Variants in CARF observed in about 807,000 individuals in gnomAD.
The protein encoded by CARF is calcium responsive transcription factor, also known as calcium-responsive transcription factor.
In CARF, 57 loss-of-function variants were observed where a neutral mutation model predicts 82.0. The observed-to-expected ratio is 0.70, with a 90% CI of 0.56 to 0.87. The LOEUF (loss-of-function observed/expected upper bound fraction) is 0.87. Among genes scored for constraint, CARF ranks in the 40% least tolerant of loss-of-function variants. The pLI, the probability that CARF is intolerant of heterozygous loss-of-function variation, is 0.00. For synonymous variants in CARF, 268 were observed against 290.1 expected (o/e 0.92, Z 0.77); for missense variants, 771 against 855.8 (o/e 0.90, Z 1.24).
chr2:202,955,569 T>G (rs1277800657), intron 7 of CARF, 105 bp from the exon 8 acceptor site: 14 of 676,676 alleles, frequency 2.1e-5, no homozygotes, highest in Non-Finnish European at 3.1e-5. Flanking sequence ...AATTTGTTAT[T>G]GATGACTTCA....
At chr2:202,973,859 G>A (rs149110884) in intron 12 of CARF, among the ~76,000 whole-genome samples, 4,386 of 152,044 alleles carry the variant, frequency 0.029, 212 homozygotes, top group African/African-American at 0.099. Context: ...AGGCCGAGGC[G>A]GGCGGATCGC....
rs2060423537 is a variant in CARF, at chr2:202,986,248, A to G, written c.*2624A>G. 6.6e-6 allele frequency: 1 copy of G among 152,156 alleles called. No individual in the cohort carries two copies. Among genetic ancestry groups the G allele is most frequent in the Non-Finnish European group, 1.5e-5 (1 of 67,980 alleles). The allele number at this position is 152,156 out of a possible 1,614,324, so 9.4% of individuals were successfully genotyped here. A position where few individuals can be genotyped will look rare whatever the true frequency, so the allele number is the denominator to read the frequency against. On this transcript the variant is annotated 3_prime_UTR_variant, in exon 17 of 17. Coordinates refer to ENST00000438828, the MANE Select transcript of CARF (RefSeq NM_024744.17). ...CACAATGTATCAGTATTGTGTTTAA[A>G]GGTGCTCAGCATCACTTTTTGAAAA...
rs2060360720 is a variant in CARF at position 202,983,919 on chromosome 2, T to C, written c.*295T>C. The C allele has an allele frequency of 4.3e-6, 1 of 231,078 alleles. No individual in the cohort carries two copies. Among genetic ancestry groups the C allele is most frequent in the African/African-American group, 2.3e-5 (1 of 43,824 alleles). 14.3% of individuals were successfully genotyped at this position (231,078 alleles called of 1,614,324 possible). A position where few individuals can be genotyped will look rare whatever the true frequency, so the allele number is the denominator to read the frequency against. On this transcript the variant is annotated 3_prime_UTR_variant, in exon 17 of 17. Transcript: ENST00000438828. ...TAATATAGTCTGAACACAAATAGTT[T>C]ACTTAACTTATCCTTGGAAATATTC...
rs1409041784 is a variant in CARF, at chr2:202,984,204, A to G, written c.*580A>G. 6.6e-6 allele frequency: 1 copy of G among 152,244 alleles called. No homozygotes were observed. The highest frequency in any genetic ancestry group is 1.5e-5 in the Non-Finnish European group (1 of 68,054). The allele number at this position is 152,244 out of a possible 1,614,324, so 9.4% of individuals were successfully genotyped here. A position where few individuals can be genotyped will look rare whatever the true frequency, so the allele number is the denominator to read the frequency against. On this transcript the variant is annotated 3_prime_UTR_variant, in exon 17 of 17. Transcript: ENST00000438828. ...GCAGCTACATCTGTGGAAACTGTGC[A>G]GTTGCATTTTAGCCTCTTCCCTTCC... is the stretch of plus-strand genomic sequence containing the variant.
intron 13 of CARF, 78 bp from the exon 14 acceptor site, chr2:202,977,186 AAATAT>A: frequency 9.9e-7 from 1 of 1,010,552 alleles, no homozygotes; most frequent in Middle Eastern, 2.7e-4. Context: ...ACTGTGAATA[AAATAT>A]GACAGTCGTA....
chr2:202,923,204 T>C (rs1691158408), intron 2 of CARF, among the ~76,000 whole-genome samples: 1 of 152,174 alleles, frequency 6.6e-6, no homozygotes, highest in Non-Finnish European at 1.5e-5. Flanking sequence ...TCACGGCCAT[T>C]GCACTCCAGC....
intron 13 of CARF, among the ~76,000 whole-genome samples, chr2:202,976,071 C>A (rs1345387935): frequency 6.6e-6 from 1 of 152,008 alleles, no homozygotes; most frequent in Non-Finnish European, 1.5e-5. Context: ...ATCCATCTAT[C>A]CATCCATCCA....
intron 10 of CARF, among the ~76,000 whole-genome samples, chr2:202,967,532 T>C (rs2059604857): frequency 6.6e-6 from 1 of 152,230 alleles, no homozygotes; most frequent in African/African-American, 2.4e-5. Flanking sequence ...TTTCCTTTTT[T>C]TCATTCTCAG....
rs555051651 is a variant in CARF, at chr2:202,954,930, C to T, written c.558-744C>T. Among the ~76,000 whole-genome samples, 421 of 151,140 alleles carry T rather than the reference C, an allele frequency of 2.8e-3. 4 individuals carry two copies. The highest frequency in any genetic ancestry group is 4.2e-3 in the Non-Finnish European group (285 of 67,874). On this transcript the variant is annotated intron_variant, in intron 7 of 16. Transcript: ENST00000438828. ...TTGGGAGGCTGAGGCAGGAGAATGG[C>T]GTGAACCTGGGAGGCAGGGCTTGCA...
At chr2:202,942,633 C>G in intron 4 of CARF, 107 bp from the exon 5 acceptor site, 1 of 1,080,756 alleles carries the variant, frequency 9.3e-7, no homozygotes, top group Non-Finnish European at 1.3e-6. Flanking sequence ...ACAACTCTTA[C>G]AAAAAAGTAA....
intron 1 of CARF, among the ~76,000 whole-genome samples, chr2:202,915,185 T>G (rs1689399472): frequency 6.6e-6 from 1 of 151,042 alleles, no homozygotes; most frequent in Non-Finnish European, 1.5e-5. Flanking sequence ...CCCGGCTAAT[T>G]TTTTGTATTT....
chr2:202,967,465 A>G (rs1559261587), intron 10 of CARF, among the ~76,000 whole-genome samples: 1 of 152,164 alleles, frequency 6.6e-6, no homozygotes, highest in African/African-American at 2.4e-5. Context: ...CTGAATGCCT[A>G]TTGTGGTTAT....
rs1312363494 is a variant in CARF at position 202,952,470 on chromosome 2, GT to G, written c.307-88del. 2.2e-5 allele frequency: 26 copies of G among 1,183,262 alleles called. 1 individual carries two copies. In the Admixed American group the frequency reaches 5.4e-4, roughly 24 times the overall value. The allele number at this position is 1,183,262 out of a possible 1,614,324, so 73.3% of individuals were successfully genotyped here. A position where few individuals can be genotyped will look rare whatever the true frequency, so the allele number is the denominator to read the frequency against. ...ATCATAGAATCCATCATAGAGCTAG[GT>G]ATGTGTTTAATAATTTATTTAATTA... is the stretch of plus-strand genomic sequence containing the variant. On this transcript the variant is annotated intron_variant, in intron 5 of 16. Coordinates refer to ENST00000438828, the MANE Select transcript of CARF (RefSeq NM_024744.17).
intron 9 of CARF, 33 bp downstream of exon 9, chr2:202,961,459 A>G: frequency 2.5e-6 from 4 of 1,574,582 alleles, no homozygotes; most frequent in African/African-American, 1.3e-5. Flanking sequence ...TAAAAGGTTC[A>G]GCAGCAGCCA....
At chr2:202,944,002 A>G (rs1340321851) in intron 5 of CARF, among the ~76,000 whole-genome samples, 1 of 152,186 alleles carries the variant, frequency 6.6e-6, no homozygotes, top group African/African-American at 2.4e-5. Context: ...ACTTTCTGGT[A>G]TGTTTTCTTG....
chr2:202,914,779 C>CAAAAAAAA (rs1251429747), intron 1 of CARF, among the ~76,000 whole-genome samples: 1 of 41,210 alleles, frequency 2.4e-5, no homozygotes, highest in Non-Finnish European at 4.9e-5. Context: ...AACTCCATCT[C>CAAAAAAAA]AAAAAAAAAA....
intron 6 of CARF, among the ~76,000 whole-genome samples, 199 bp from the exon 7 acceptor site, chr2:202,953,806 A>C (rs1165151474): frequency 6.6e-6 from 1 of 152,144 alleles, no homozygotes; most frequent in South Asian, 2.1e-4. Context: ...AATTCTAAAA[A>C]TTATAAAATT....
In CARF at chr2:202,983,685, T is replaced by G. The variant is rs1297422748; in HGVS notation, c.*61T>G. The G allele has an allele frequency of 2.0e-6, 2 of 1,021,648 alleles. No individual in the cohort carries two copies. Among genetic ancestry groups the G allele is most frequent in the African/African-American group, 3.2e-5 (2 of 61,742 alleles). The allele number at this position is 1,021,648 out of a possible 1,614,324, so 63.3% of individuals were successfully genotyped here. ...ACTTCTGATGTCTTAGAAAGGAAGG[T>G]GAATATAGTCAAAGCGTGGCATTGA... On this transcript the variant is annotated 3_prime_UTR_variant, in exon 17 of 17. Transcript: ENST00000438828.
Position 202,971,718 on chromosome 2 carries a change from T to G in CARF, c.1311T>G (p.Tyr437Ter). The change falls in exon 12 of 17, where the codon TAT becomes TAG. Residue 437 changes from tyrosine to a stop codon, truncating the protein, a stop_gained. Coordinates refer to ENST00000438828, the MANE Select transcript of CARF (RefSeq NM_024744.17). LOFTEE classifies it high-confidence loss of function. Reference sequence around the variant, plus strand: ...TATCACAGGGAATAGAACAAGTGTATGCAGTAAGGAAACAGCTAAGGTACA... The same window carrying G: ...TATCACAGGGAATAGAACAAGTGTAGGCAGTAAGGAAACAGCTAAGGTACA... ...ELVSQGIEQVYAVRKQLRKFV... is the reference protein window; with the variant it reads ...ELVSQGIEQV The G allele has an allele frequency of 6.2e-7, 1 of 1,612,078 alleles. No individual in the cohort carries two copies. The highest frequency in any genetic ancestry group is 8.5e-7 in the Non-Finnish European group (1 of 1,178,378).
Sources: gnomAD v4.1 joint callset for allele counts (sites outside exome capture counted in the v4.1 genomes callset) on GRCh38, gnomAD v4.1.1 for gene constraint, MANE v1.5 for transcripts, NCBI Gene and HGNC (gene_info 2026-07-23, HGNC 2026-07-21) for gene names.